ITGB3: variants seen among roughly 807,000 people sequenced by gnomAD.
ITGB3 encodes the protein integrin beta-3.
In ITGB3, 48 loss-of-function variants were observed where a neutral mutation model predicts 85.8. That is an observed-to-expected ratio of 0.56 (90% CI 0.44 to 0.71). The LOEUF (loss-of-function observed/expected upper bound fraction) is 0.71. ITGB3 is among the 30% of genes least tolerant of loss of function. The probability of loss-of-function intolerance (pLI) is 0.00; values close to 1 mark genes in which losing one functional copy is unlikely to be tolerated. For synonymous variants in ITGB3, 363 were observed against 395.6 expected, an observed-to-expected ratio of 0.92 and a Z score of 0.98; for missense variants, 861 against 1,019.1, an observed-to-expected ratio of 0.84 and a Z score of 2.11.
rs1317012230 is a variant in ITGB3, at chr17:47,299,621, C to G, written c.1913+91C>G. On this transcript the variant is annotated intron_variant, in intron 11 of 14. Coordinates refer to ENST00000559488, the MANE Select transcript of ITGB3 (RefSeq NM_000212.3). This position sits in a 1 kb window ranked among gnomAD's most constrained non-coding sequence, Gnocchi z 5.1. ...CCCAGCTCTCCAGGTGTGTTTCTTG[C>G]TCACCAGAGCCTTAGGGAGAGGAGT... 5.0e-6 allele frequency: 6 copies of G among 1,207,704 alleles called. No homozygotes were observed. In the African/African-American group the frequency reaches 7.5e-5, roughly 15 times the overall value. 74.8% of individuals were successfully genotyped at this position (1,207,704 alleles called of 1,614,324 possible). A position where few individuals can be genotyped will look rare whatever the true frequency, so the allele number is the denominator to read the frequency against.
chr17:47,283,513 G>A lies in ITGB3; in HGVS notation c.325G>A (p.Val109Ile). 6.2e-7 allele frequency: 1 copy of A among 1,614,244 alleles called. No individual in the cohort carries two copies. ...GSGDSSQVTQ[V>I]SPQRIALRLR... Reference sequence around the variant, plus strand: ...TGGAGACAGCTCCCAGGTCACTCAAGTCAGTCCCCAGAGGATTGCACTCCG... The same window carrying A: ...TGGAGACAGCTCCCAGGTCACTCAAATCAGTCCCCAGAGGATTGCACTCCG... The change falls in exon 3 of 15, where the codon GTC becomes ATC. Residue 109 changes from valine to isoleucine, a missense_variant. Physicochemically the swap from Val to Ile is conservative, Grantham distance 29 (BLOSUM62 3). Transcript: ENST00000559488.
intron 10 of ITGB3, among the ~76,000 whole-genome samples, chr17:47,297,581 G>A (rs544640658): frequency 2.1e-4 from 32 of 152,012 alleles, no homozygotes; most frequent in Admixed American, 1.1e-3. Context: ...GCTTGAACAC[G>A]GGAGGTGGGG....
chr17:47,267,792 G>T (rs1402717306), intron 1 of ITGB3, among the ~76,000 whole-genome samples: 6 of 152,190 alleles, frequency 3.9e-5, no homozygotes, highest in African/African-American at 1.4e-4. Context: ...ATAGGGAAAT[G>T]CTAATTTGAG....
Position 47,310,263 on chromosome 17 carries a change from C to A in ITGB3, c.*59C>A. 2.0e-6 allele frequency: 3 copies of A among 1,502,158 alleles called. No individual in the cohort carries two copies. Among genetic ancestry groups the A allele is most frequent in the Non-Finnish European group, 1.9e-6 (2 of 1,078,910 alleles). 93.1% of individuals were successfully genotyped at this position (1,502,158 alleles called of 1,614,324 possible). A position where few individuals can be genotyped will look rare whatever the true frequency, so the allele number is the denominator to read the frequency against. On this transcript the variant is annotated 3_prime_UTR_variant, in exon 15 of 15. Coordinates refer to ENST00000559488, the MANE Select transcript of ITGB3 (RefSeq NM_000212.3). ...TGTGCCACGATTGCAGGAGTCCCTG[C>A]CATCATGTTTACAGAGGACAGTATT...
At chr17:47,257,713 A>C (rs1015584088) in intron 1 of ITGB3, among the ~76,000 whole-genome samples, 1 of 152,236 alleles carries the variant, frequency 6.6e-6, no homozygotes, top group Non-Finnish European at 1.5e-5. Context: ...GCACTGTTGC[A>C]CCATTTAGAC....
chr17:47,312,489 T>G lies in ITGB3; in HGVS notation c.*2285T>G, dbSNP rs1385422535. ...GTGTGGAAGCTCATGCCTGTAATTA[T>G]AACCTTCAGCTACTAAGACAGGTGT... On this transcript the variant is annotated 3_prime_UTR_variant, in exon 15 of 15. Transcript: ENST00000559488. Among the ~76,000 whole-genome samples, 1 of 152,208 alleles carries G rather than the reference T, an allele frequency of 6.6e-6. No individual in the cohort carries two copies. The highest frequency in any genetic ancestry group is 1.5e-5 in the Non-Finnish European group (1 of 68,042).
Position 47,292,452 on chromosome 17 carries a change from G to C in ITGB3, c.1574G>C (p.Gly525Ala), listed in dbSNP as rs2065130824. The part of the protein sequence containing the change: ...REGQPVCSQR[G>A]ECLCGQCVCH... Reference sequence around the variant, plus strand: ...GGTCAGCCCGTCTGCAGCCAGCGGGGCGAGTGCCTCTGTGGTCAATGTGTC... The same window carrying C: ...GGTCAGCCCGTCTGCAGCCAGCGGGCCGAGTGCCTCTGTGGTCAATGTGTC... The change falls in exon 10 of 15, where the codon GGC becomes GCC. Residue 525 changes from glycine to alanine, a missense_variant. Gly to Ala is a moderately conservative substitution (Grantham distance 60, BLOSUM62 0). Transcript: ENST00000559488. 8 of 1,609,572 alleles carry C rather than the reference G, an allele frequency of 5.0e-6. No homozygotes were observed. The highest frequency in any genetic ancestry group is 5.9e-6 in the Non-Finnish European group (7 of 1,176,708).
rs11381846 is a variant in ITGB3 at position 47,313,347 on chromosome 17, CTTTTT to C, written c.*3156_*3160del. Among the ~76,000 whole-genome samples the C allele has an allele frequency of 7.8e-6, 1 of 128,314 alleles. No homozygotes were observed. Among genetic ancestry groups the C allele is most frequent in the Non-Finnish European group, 1.6e-5 (1 of 62,348 alleles). The allele number at this position is 128,314 out of a possible 152,430, so 84.2% of individuals were successfully genotyped here. A position where few individuals can be genotyped will look rare whatever the true frequency, so the allele number is the denominator to read the frequency against. ...AGTATTCCTGGTTGAAATTTCTTTTCTTTTTTTTTTTTTTTTTGAGACAGAGTCTT... is the reference window on the plus strand; with the variant it reads ...AGTATTCCTGGTTGAAATTTCTTTTCTTTTTTTTTTTTGAGACAGAGTCTT... On this transcript the variant is annotated 3_prime_UTR_variant, in exon 15 of 15. Coordinates refer to ENST00000559488, the MANE Select transcript of ITGB3 (RefSeq NM_000212.3).
At chr17:47,302,650 T>G in intron 12 of ITGB3, 71 bp from the exon 13 acceptor site, 2 of 1,574,924 alleles carry the variant, frequency 1.3e-6, no homozygotes, top group Non-Finnish European at 1.7e-6. Context: ...AGTCCTGTGA[T>G]AGGGGTTTGG....
chr17:47,257,407 C>A (rs2064994325), intron 1 of ITGB3, among the ~76,000 whole-genome samples: 1 of 152,140 alleles, frequency 6.6e-6, no homozygotes, highest in East Asian at 1.9e-4. Flanking sequence ...ACCTCAAGCC[C>A]TGTATCTGAA....
At chr17:47,300,404 A>T (rs2065162784) in intron 11 of ITGB3, 74 bp from the exon 12 acceptor site, 2 of 1,010,718 alleles carry the variant, frequency 2.0e-6, no homozygotes, top group Non-Finnish European at 3.1e-6. Context: ...GAATGCATGG[A>T]GATCAGAGCT....
chr17:47,291,884 C>T (rs977051708), intron 9 of ITGB3, among the ~76,000 whole-genome samples: 1 of 152,140 alleles, frequency 6.6e-6, no homozygotes, highest in Non-Finnish European at 1.5e-5. Context: ...GAAAAAACAG[C>T]CTTTTATTAT....
intron 1 of ITGB3, among the ~76,000 whole-genome samples, chr17:47,260,936 G>A (rs1330908610): frequency 6.6e-6 from 1 of 152,024 alleles, no homozygotes; most frequent in Non-Finnish European, 1.5e-5. Context: ...AATAACATAT[G>A]CATTACCTCA....
At chr17:47,275,622 G>C (rs970133035) in intron 2 of ITGB3, among the ~76,000 whole-genome samples, 1 of 152,204 alleles carries the variant, frequency 6.6e-6, no homozygotes, top group East Asian at 1.9e-4. Context: ...GATCTGCTGA[G>C]TTTCCTAAAA....
At chr17:47,267,235 C>T (rs1456549306) in intron 1 of ITGB3, among the ~76,000 whole-genome samples, 2 of 152,180 alleles carry the variant, frequency 1.3e-5, no homozygotes, top group African/African-American at 4.8e-5. Flanking sequence ...TCCACCTTGT[C>T]CCTGGTTCTG....
chr17:47,305,009 TC>T (rs1304415683), intron 13 of ITGB3, among the ~76,000 whole-genome samples: 1 of 152,172 alleles, frequency 6.6e-6, no homozygotes, highest in Admixed American at 6.5e-5. Context: ...GGAAGGGCCC[TC>T]CAGAGGTCAC....
intron 8 of ITGB3, among the ~76,000 whole-genome samples, chr17:47,290,697 G>T (rs566775345): frequency 6.4e-4 from 98 of 152,300 alleles, no homozygotes; most frequent in Non-Finnish European, 1.2e-3. Flanking sequence ...TGTGAGGCCT[G>T]CAGGAGGGTG....
chr17:47,265,579 G>GT (rs1217461047), intron 1 of ITGB3, among the ~76,000 whole-genome samples: 2 of 152,152 alleles, frequency 1.3e-5, no homozygotes, highest in Non-Finnish European at 2.9e-5. Flanking sequence ...CATCAGTCAT[G>GT]TTGGATTAGG....
chr17:47,269,285 T>C (rs1318735709), intron 1 of ITGB3, among the ~76,000 whole-genome samples: 1 of 152,256 alleles, frequency 6.6e-6, no homozygotes, highest in Non-Finnish European at 1.5e-5. Flanking sequence ...CCTCGTTACT[T>C]ATTTCTGCAG....
Sources: allele counts gnomAD v4.1 joint callset (sites outside exome capture counted in the v4.1 genomes callset), GRCh38; gene constraint gnomAD v4.1.1; non-coding constraint Gnocchi (gnomAD v3.1); transcripts MANE v1.5; gene names NCBI Gene and HGNC (gene_info 2026-07-23, HGNC 2026-07-21).